ANKFN1: variants seen among roughly 807,000 people sequenced by gnomAD.
The protein encoded by ANKFN1 is ankyrin repeat and fibronectin type-III domain-containing protein 1.
ANKFN1 carries 74 observed loss-of-function variants against 108.7 expected under a neutral mutation model. The ratio of observed to expected loss-of-function variants is 0.68; its 90% CI spans 0.56 to 0.83. ANKFN1 has a LOEUF of 0.83. Ranked by LOEUF, ANKFN1 falls within the 40% of genes least tolerant of loss-of-function variation. ANKFN1 has a pLI of 0.00. For missense variants in ANKFN1, 1,505 were observed against 1,382.3 expected (o/e 1.09, Z -1.41); for synonymous variants, 547 against 516.2 (o/e 1.06, Z -0.81).
At chr17:56,446,678 G>A (rs1333151928) in intron 10 of ANKFN1, among the ~76,000 whole-genome samples, 2 of 152,156 alleles carry the variant, frequency 1.3e-5, no homozygotes, top group African/African-American at 4.8e-5. Context: ...GCCAAGGCGG[G>A]TGGATCACCT....
At chr17:56,349,555 A>G (rs1187970996) in intron 4 of ANKFN1, among the ~76,000 whole-genome samples, 1 of 152,106 alleles carries the variant, frequency 6.6e-6, no homozygotes, top group Non-Finnish European at 1.5e-5. Context: ...TATATTAAAT[A>G]TAATAGACTC....
At chr17:56,442,645 T>A (rs903632637) in intron 9 of ANKFN1, among the ~76,000 whole-genome samples, 198 bp from the exon 10 acceptor site, 7 of 152,144 alleles carry the variant, frequency 4.6e-5, no homozygotes, top group Admixed American at 1.3e-4. Flanking sequence ...CTGTGACATA[T>A]AAACATAATA....
In ANKFN1 at chr17:56,266,882, GTGTTTT is replaced by G. The variant is rs112955867; in HGVS notation, c.53+38944_53+38949del. Among the ~76,000 whole-genome samples, 128 of 152,196 alleles carry G rather than the reference GTGTTTT, an allele frequency of 8.4e-4. 1 individual carries two copies. The highest frequency in any genetic ancestry group is 2.9e-3 in the African/African-American group (122 of 41,492). ...ACAAAACTCAAGAGTGTTTAGAGGA[GTGTTTT>G]TGTTTTTGTTTTTGTTTTAATTTAG... On this transcript the variant is annotated intron_variant, in intron 3 of 20. Coordinates refer to ENST00000682825, the MANE Select transcript of ANKFN1 (RefSeq NM_001370326.1).
intron 1 of ANKFN1, among the ~76,000 whole-genome samples, chr17:56,188,577 G>GTATATATATATATATA (rs1433162811): frequency 9.9e-5 from 8 of 80,752 alleles, no homozygotes; most frequent in Admixed American, 1.4e-4. Context: ...GTGTGTGTGT[G>GTATATATATATATATA]TGTGTATATA....
Position 56,360,010 on chromosome 17 carries a change from G to C in ANKFN1, c.601+5964G>C, listed in dbSNP as rs112708983. 4.3e-3 allele frequency among the ~76,000 whole-genome samples: 660 copies of C among 152,264 alleles called. 11 individuals are homozygous for C. Among genetic ancestry groups the C allele is most frequent in the African/African-American group, 0.014 (593 of 41,562 alleles). ...GCGTCATCACCCTCTGTGTTCACCA[G>C]ACTTGGCTTCAAATTATTTAGAGAG... On this transcript the variant is annotated intron_variant, in intron 6 of 20. Coordinates refer to ENST00000682825, the MANE Select transcript of ANKFN1 (RefSeq NM_001370326.1).
intron 4 of ANKFN1, among the ~76,000 whole-genome samples, chr17:56,086,155 C>T (rs1320533421): frequency 2.7e-5 from 4 of 150,840 alleles, no homozygotes; most frequent in Non-Finnish European, 5.9e-5. Context: ...ACCTGTAGTC[C>T]TAGCACTTTG....
chr17:56,503,173 C>T (rs1310985774), intron 20 of ANKFN1, among the ~76,000 whole-genome samples: 6 of 151,544 alleles, frequency 4.0e-5, no homozygotes, highest in African/African-American at 1.5e-4. Context: ...CTCCTAGTGA[C>T]ACATGGGTGA....
At chr17:56,138,189 A>G (rs1402858928) in intron 4 of ANKFN1, among the ~76,000 whole-genome samples, 4 of 152,234 alleles carry the variant, frequency 2.6e-5, no homozygotes, top group Non-Finnish European at 4.4e-5. Context: ...TACTCAGTTG[A>G]AAATAATCCC....
At chr17:56,237,572 G>T (rs551339527) in intron 3 of ANKFN1, among the ~76,000 whole-genome samples, 26 of 152,142 alleles carry the variant, frequency 1.7e-4, no homozygotes, top group East Asian at 1.2e-3. Context: ...TGTGCATACA[G>T]GTATTCATGG....
At chr17:56,406,484 T>A (rs2144965269) in intron 8 of ANKFN1, among the ~76,000 whole-genome samples, 1 of 152,278 alleles carries the variant, frequency 6.6e-6, no homozygotes, top group East Asian at 1.9e-4. Flanking sequence ...TTTATAGTGC[T>A]TATTTAAGCT....
chr17:56,338,617 C>T (rs941330860), intron 4 of ANKFN1, among the ~76,000 whole-genome samples: 7 of 151,694 alleles, frequency 4.6e-5, no homozygotes, highest in African/African-American at 9.7e-5. Flanking sequence ...TTTTACCTGC[C>T]GTATATTTAT....
Position 56,153,530 on chromosome 17 carries a change from G to C in ANKFN1, c.-71G>C. ...CTCTCATGGAGGCGTCTCTAACCAG[G>C]GTAGGAAAACAATAGTTCTAAATAT... is the stretch of plus-strand genomic sequence containing the variant. On this transcript the variant is annotated splice_region_variant and 5_prime_UTR_variant, in exon 1 of 21. Transcript: ENST00000682825. 6.2e-7 allele frequency: 1 copy of C among 1,614,056 alleles called. No individual in the cohort carries two copies. Among genetic ancestry groups the C allele is most frequent in the Non-Finnish European group, 8.5e-7 (1 of 1,179,920 alleles).
Position 56,456,940 on chromosome 17 carries a change from G to T in ANKFN1, c.1287G>T (p.Lys429Asn). Residue 429 changes from lysine (K) to asparagine (N), a missense_variant, in exon 12 of 21, where the codon AAG becomes AAT. Lys to Asn is a moderately conservative substitution (Grantham distance 94). Coordinates refer to ENST00000682825, the MANE Select transcript of ANKFN1 (RefSeq NM_001370326.1). Reference protein sequence around the residue: ...SLKHLFHSSNKFVKTLKRGLY... With the variant: ...SLKHLFHSSNNFVKTLKRGLY... ...AACACCTGTTCCATTCCTCGAACAAGTTTGTGAAGACCTTAAAACGGTGGG... is the reference window on the plus strand; with the variant it reads ...AACACCTGTTCCATTCCTCGAACAATTTTGTGAAGACCTTAAAACGGTGGG... The T allele has an allele frequency of 6.2e-7, 1 of 1,614,014 alleles. No individual in the cohort carries two copies. Among genetic ancestry groups the T allele is most frequent in the South Asian group, 1.1e-5 (1 of 91,074 alleles).
rs61494269 is a variant in ANKFN1 at position 56,332,979 on chromosome 17, G to GTA, written c.188+6644_188+6645dup. Among the ~76,000 whole-genome samples, 509 of 147,794 alleles carry GTA rather than the reference G, an allele frequency of 3.4e-3. 5 individuals are homozygous for GTA. Among genetic ancestry groups the GTA allele is most frequent in the African/African-American group, 6.5e-3 (257 of 39,560 alleles). On this transcript the variant is annotated intron_variant, in intron 4 of 20. Coordinates refer to ENST00000682825, the MANE Select transcript of ANKFN1 (RefSeq NM_001370326.1). ...ATGAACAAGGTGTGTATATATGTGT[G>GTA]TATATATATATATATATATATCTTC...
intron 3 of ANKFN1, among the ~76,000 whole-genome samples, chr17:56,256,871 AAG>A (rs1293304078): frequency 6.6e-6 from 1 of 152,216 alleles, no homozygotes; most frequent in African/African-American, 2.4e-5. Context: ...TGATATTATC[AAG>A]AGTCACTAAA....
intron 1 of ANKFN1, among the ~76,000 whole-genome samples, chr17:56,170,807 T>TATATACACACACTCACAC (rs1361307404): frequency 1.6e-5 from 1 of 61,452 alleles, no homozygotes; most frequent in African/African-American, 7.0e-5. Flanking sequence ...TATATATATA[T>TATATACACACACTCACAC]ACACACACAC....
At chr17:56,166,731 G>A (rs950107714) in intron 1 of ANKFN1, among the ~76,000 whole-genome samples, 1 of 152,062 alleles carries the variant, frequency 6.6e-6, no homozygotes, top group Non-Finnish European at 1.5e-5. Flanking sequence ...AGCTGGACAT[G>A]ACCATGCCCT....
At chr17:56,409,486 A>G (rs147399173) in intron 8 of ANKFN1, among the ~76,000 whole-genome samples, 41 of 152,336 alleles carry the variant, frequency 2.7e-4, no homozygotes, top group African/African-American at 8.7e-4. Context: ...CCTAAGAACA[A>G]CACGGAGATG....
intron 8 of ANKFN1, among the ~76,000 whole-genome samples, chr17:56,427,563 T>G (rs1288353851): frequency 6.6e-6 from 1 of 151,970 alleles, no homozygotes; most frequent in African/African-American, 2.4e-5. Flanking sequence ...CCTCTCTCCT[T>G]CTTGAAATGC....
Sources: allele counts gnomAD v4.1 joint callset (sites outside exome capture counted in the v4.1 genomes callset), GRCh38; gene constraint gnomAD v4.1.1; transcripts MANE v1.5; gene names NCBI Gene and HGNC (gene_info 2026-07-23, HGNC 2026-07-21).